The following BTN3A3 variants were observed in gnomAD, a reference collection of about 807,000 sequenced individuals.
BTN3A3 encodes butyrophilin 3.
BTN3A3 carries 39 observed loss-of-function variants against 43.2 expected under a neutral mutation model. The ratio of observed to expected loss-of-function variants is 0.90; its 90% CI spans 0.70 to 1.18. The LOEUF is 1.18. BTN3A3 is among the 50% of genes most tolerant of loss of function. BTN3A3 has a pLI of 0.00. For synonymous variants in BTN3A3, 255 were observed against 272.7 expected, an observed-to-expected ratio of 0.93 and a Z score of 0.64; for missense variants, 631 against 722.8, an observed-to-expected ratio of 0.87 and a Z score of 1.46.
chr6:26,451,682 G>C lies in BTN3A3; in HGVS notation c.1026G>C (p.Val342=). 1 of 1,611,302 alleles carries C rather than the reference G, an allele frequency of 6.2e-7. No homozygotes were observed. The highest frequency in any genetic ancestry group is 8.5e-7 in the Non-Finnish European group (1 of 1,178,218). Residue 342 remains valine, a synonymous_variant, in exon 11 of 11, where the codon GTG becomes GTC. Transcript: ENST00000244519. The part of the protein sequence containing the change: ...WKMALFKPAD[V]ILDPDTANAI... ...TCCTCAAACTCTCTGCAGCGGATGTGATTCTGGATCCAGACACGGCAAACG... is the reference window on the plus strand; with the variant it reads ...TCCTCAAACTCTCTGCAGCGGATGTCATTCTGGATCCAGACACGGCAAACG...
chr6:26,445,633 C>T, intron 4 of BTN3A3, 71 bp from the exon 5 acceptor site: 1 of 1,509,386 alleles, frequency 6.6e-7, no homozygotes. Context: ...GTGAGTCTGC[C>T]ATTGATTCCC....
chr6:26,449,673 T>C lies in BTN3A3; in HGVS notation c.976T>C (p.Ser326Pro). Residue 326 changes from serine (S) to proline (P), a missense_variant, in exon 9 of 11, where the codon TCT (serine) becomes CCT (proline). This residue lies in a region of BTN3A3 where 551 missense variants were observed against 584.0 expected (regional missense o/e 0.94). Transcript: ENST00000244519. Reference protein sequence around the residue: ...KIQYMARGEKSLAYHEWKMAL... With the variant: ...KIQYMARGEKPLAYHEWKMAL... ...TTCTTTCATTGTAGGTGGAGAGAAG[T>C]CTTTGGCCTATCATGGTGAGTGAGC... The C allele has an allele frequency of 1.2e-6, 2 of 1,614,188 alleles. No individual in the cohort carries two copies. Among genetic ancestry groups the C allele is most frequent in the Non-Finnish European group, 1.7e-6 (2 of 1,180,028 alleles).
chr6:26,441,226 G>A (rs2113830817), intron 1 of BTN3A3, among the ~76,000 whole-genome samples: 1 of 152,194 alleles, frequency 6.6e-6, no homozygotes, highest in East Asian at 1.9e-4. Context: ...TTAATGAAGG[G>A]CAATTATTTC....
chr6:26,451,794 T>C lies in BTN3A3; in HGVS notation c.1138T>C (p.Trp380Arg). The change falls in exon 11 of 11, where the codon TGG becomes CGG. Residue 380 changes from tryptophan to arginine, a missense_variant. This residue lies in a region of BTN3A3 where 551 missense variants were observed against 584.0 expected (regional missense o/e 0.94). Transcript: ENST00000244519. ...DLPDNPERFE[W>R]RYCVLGCENF... The stretch of plus-strand genomic sequence containing the variant: ...GCCAGACAACCCTGAGAGATTTGAA[T>C]GGCGTTACTGTGTCCTTGGCTGTGA... 6.2e-7 allele frequency: 1 copy of C among 1,613,970 alleles called. No individual in the cohort carries two copies. The highest frequency in any genetic ancestry group is 1.1e-5 in the South Asian group (1 of 91,074).
In BTN3A3 at chr6:26,443,647, A is replaced by G; in HGVS notation, c.73A>G (p.Thr25Ala). The change falls in exon 3 of 11, where the codon ACT (threonine) becomes GCT (alanine). Residue 25 changes from threonine (T) to alanine (A), a missense_variant. By Grantham distance (58) the Thr-to-Ala change is moderately conservative. This residue lies in a region of BTN3A3 where 80 missense variants were observed against 138.7 expected (regional missense o/e 0.58). Transcript: ENST00000244519. The stretch of plus-strand genomic sequence containing the variant: ...CTCCCTCTTCTTGGTCCAGCTGCTC[A>G]CTCCTTGCTCAGGTAGGGAATGATT... ...HVSLFLVQLLTPCSAQFSVLG... is the reference protein window; with the variant it reads ...HVSLFLVQLLAPCSAQFSVLG... 3.1e-6 allele frequency: 5 copies of G among 1,614,000 alleles called. No individual in the cohort carries two copies. The highest frequency in any genetic ancestry group is 4.2e-6 in the Non-Finnish European group (5 of 1,179,982).
intron 5 of BTN3A3, among the ~76,000 whole-genome samples, chr6:26,447,041 T>C (rs931758500): frequency 6.6e-6 from 1 of 152,184 alleles, no homozygotes; most frequent in Non-Finnish European, 1.5e-5. Context: ...AAAAAGTTTC[T>C]TATAGCATTG....
intron 10 of BTN3A3, among the ~76,000 whole-genome samples, chr6:26,450,510 C>A (rs1052744519): frequency 1.3e-5 from 2 of 152,230 alleles, no homozygotes; most frequent in African/African-American, 4.8e-5. Flanking sequence ...ATGCCCCCTA[C>A]TGCCTGTGTC....
chr6:26,444,372 T>C, intron 4 of BTN3A3, 68 bp downstream of exon 4: 1 of 1,610,150 alleles, frequency 6.2e-7, no homozygotes, highest in South Asian at 1.1e-5. Context: ...GAGTCCCTCT[T>C]CCAAAAGTAC....
At chr6:26,448,864 A>G in intron 8 of BTN3A3, 110 bp downstream of exon 8, 1 of 1,328,820 alleles carries the variant, frequency 7.5e-7, no homozygotes, top group Non-Finnish European at 1.1e-6. Context: ...AAATGGTCCT[A>G]GATCCCTTTA....
chr6:26,452,744 G>GAGAT lies in BTN3A3; in HGVS notation c.*334_*337dup, dbSNP rs1393273889. 5 of 247,630 alleles carry GAGAT rather than the reference G, an allele frequency of 2.0e-5. No individual in the cohort carries two copies. Among genetic ancestry groups the GAGAT allele is most frequent in the Non-Finnish European group, 3.1e-5 (4 of 127,680 alleles). 15.3% of individuals were successfully genotyped at this position (247,630 alleles called of 1,614,324 possible). A position where few individuals can be genotyped will look rare whatever the true frequency, so the allele number is the denominator to read the frequency against. On this transcript the variant is annotated 3_prime_UTR_variant, in exon 11 of 11. Transcript: ENST00000244519. ...CTCATACAGTAATTTGTGCAGTTGG[G>GAGAT]AGATGTTCAGCCTTAGTCCCTGGCT...
At chr6:26,450,716 C>T (rs1762907926) in intron 10 of BTN3A3, among the ~76,000 whole-genome samples, 1 of 152,032 alleles carries the variant, frequency 6.6e-6, no homozygotes, top group Non-Finnish European at 1.5e-5. Context: ...TAAGGGTAAG[C>T]AATAAGGAAA....
rs1762968854 is a variant in BTN3A3 at position 26,453,058 on chromosome 6, T to C, written c.*647T>C. On this transcript the variant is annotated 3_prime_UTR_variant, in exon 11 of 11. Transcript: ENST00000244519. ...CTTGATAAATCATGGGGCACAGATA[T>C]GTTCCCACCCAACAAATGTGATAAG... is the stretch of plus-strand genomic sequence containing the variant. 2 of 152,326 alleles carry C rather than the reference T, an allele frequency of 1.3e-5. No homozygotes were observed. The highest frequency in any genetic ancestry group is 4.8e-5 in the African/African-American group (2 of 41,450). The allele number at this position is 152,326 out of a possible 1,614,324, so 9.4% of individuals were successfully genotyped here.
At chr6:26,447,586 C>T (rs1302405299) in intron 5 of BTN3A3, among the ~76,000 whole-genome samples, 1 of 152,194 alleles carries the variant, frequency 6.6e-6, no homozygotes, top group African/African-American at 2.4e-5. Flanking sequence ...TGGTCTCGAC[C>T]TCCTGACCTC....
In BTN3A3 at chr6:26,448,279, C is replaced by A; in HGVS notation, c.747C>A (p.Ile249=). The change falls in exon 6 of 11, where the codon ATC becomes ATA. Residue 249 remains isoleucine, a synonymous_variant. Transcript: ENST00000244519. ...DPFFRSAQPW[I]AALAGTLPIS... is the part of the protein sequence containing the mutation. ...TCTTCAGGAGCGCCCAGCCCTGGAT[C>A]GCGGCCCTGGCAGGGACCCTGCCTA... The A allele has an allele frequency of 1.2e-6, 2 of 1,613,426 alleles. No individual in the cohort carries two copies. Among genetic ancestry groups the A allele is most frequent in the East Asian group, 2.2e-5 (1 of 44,862 alleles).
In BTN3A3 at chr6:26,448,276, G is replaced by C; in HGVS notation, c.744G>C (p.Trp248Cys). Residue 248 changes from tryptophan (W) to cysteine (C), a missense_variant, in exon 6 of 11, where the codon TGG becomes TGC. Physicochemically the swap from Trp to Cys is radical, Grantham distance 215. This residue lies in a region of BTN3A3 where 551 missense variants were observed against 584.0 expected (regional missense o/e 0.94). Transcript: ENST00000244519. ...ADPFFRSAQP[W>C]IAALAGTLPI... is the part of the protein sequence containing the mutation. The stretch of plus-strand genomic sequence containing the variant: ...CCTTCTTCAGGAGCGCCCAGCCCTG[G>C]ATCGCGGCCCTGGCAGGGACCCTGC... The C allele has an allele frequency of 6.2e-7, 1 of 1,613,604 alleles. No individual in the cohort carries two copies. Among genetic ancestry groups the C allele is most frequent in the Non-Finnish European group, 8.5e-7 (1 of 1,179,906 alleles).
chr6:26,443,319 T>A (rs1422892620), intron 1 of BTN3A3, 63 bp from the exon 2 acceptor site: 1 of 664,920 alleles, frequency 1.5e-6, no homozygotes, highest in Non-Finnish European at 2.2e-6. Flanking sequence ...TATGAATATT[T>A]TAATATTTTA....
Position 26,452,233 on chromosome 6 carries a change from T to C in BTN3A3, c.1577T>C (p.Leu526Pro). 6.2e-7 allele frequency: 1 copy of C among 1,614,158 alleles called. No homozygotes were observed. The highest frequency in any genetic ancestry group is 1.1e-5 in the South Asian group (1 of 91,074). ...KEVESSPDPD[L>P]VPDHSLETPL... ...GTAGAGAGTTCCCCCGATCCTGACC[T>C]AGTGCCTGATCATTCCCTGGAGACA... The change falls in exon 11 of 11, where the codon CTA becomes CCA. Residue 526 changes from leucine to proline, a missense_variant. Coordinates refer to ENST00000244519, the MANE Select transcript of BTN3A3 (RefSeq NM_006994.5).
chr6:26,443,385 G>T lies in BTN3A3; in HGVS notation c.-63G>T, dbSNP rs1172125151. 1 of 1,349,792 alleles carries T rather than the reference G, an allele frequency of 7.4e-7. No homozygotes were observed. Among genetic ancestry groups the T allele is most frequent in the Non-Finnish European group, 9.8e-7 (1 of 1,018,834 alleles). The allele number at this position is 1,349,792 out of a possible 1,614,324, so 83.6% of individuals were successfully genotyped here. A position where few individuals can be genotyped will look rare whatever the true frequency, so the allele number is the denominator to read the frequency against. On this transcript the variant is annotated 5_prime_UTR_variant, in exon 2 of 11. Coordinates refer to ENST00000244519, the MANE Select transcript of BTN3A3 (RefSeq NM_006994.5). ...ATAACAGATATTATTTTTACAGATGGTTTTCCATACTGGAACCCAAAGGTA... is the reference window on the plus strand; with the variant it reads ...ATAACAGATATTATTTTTACAGATGTTTTTCCATACTGGAACCCAAAGGTA...
In BTN3A3 at chr6:26,451,713, C is replaced by G. The variant is rs1327236262; in HGVS notation, c.1057C>G (p.Leu353Val). 1 of 1,613,892 alleles carries G rather than the reference C, an allele frequency of 6.2e-7. No individual in the cohort carries two copies. ...GGATCCAGACACGGCAAACGCCATCCTCCTTGTTTCTGAGGACCAGAGGAG... is the reference window on the plus strand; with the variant it reads ...GGATCCAGACACGGCAAACGCCATCGTCCTTGTTTCTGAGGACCAGAGGAG... ...ILDPDTANAI[L>V]LVSEDQRSVQ... is the part of the protein sequence containing the mutation. The change falls in exon 11 of 11, where the codon CTC (leucine) becomes GTC (valine). Residue 353 changes from leucine to valine, a missense_variant. Physicochemically the swap from Leu to Val is conservative, Grantham distance 32. Coordinates refer to ENST00000244519, the MANE Select transcript of BTN3A3 (RefSeq NM_006994.5).
Sources: gnomAD v4.1 joint callset for allele counts (sites outside exome capture counted in the v4.1 genomes callset) on GRCh38, gnomAD v4.1.1 for gene constraint, gnomAD v4.1.1 regional missense constraint, MANE v1.5 for transcripts, NCBI Gene and HGNC (gene_info 2026-07-23, HGNC 2026-07-21) for gene names.